ACACB: variants seen among roughly 807,000 people sequenced by gnomAD.
ACACB encodes the protein acetyl-CoA carboxylase 2.
In ACACB, 209 loss-of-function variants were observed where a neutral mutation model predicts 278.8. The ratio of observed to expected loss-of-function variants is 0.75; its 90% CI spans 0.67 to 0.84. ACACB has a LOEUF of 0.84. Among genes scored for constraint, ACACB ranks in the 40% least tolerant of loss-of-function variants. The pLI is 0.00. For missense variants in ACACB, 2,850 were observed against 3,269.0 expected, an observed-to-expected ratio of 0.87 and a Z score of 3.13; for synonymous variants, 1,174 against 1,285.6, an observed-to-expected ratio of 0.91 and a Z score of 1.86.
In ACACB at chr12:109,144,750, C is replaced by CTTTTTTT. The variant is rs770963307; in HGVS notation, c.653+4695_653+4696insTTTTTTT. Among the ~76,000 whole-genome samples, 386 of 86,760 alleles carry CTTTTTTT rather than the reference C, an allele frequency of 4.4e-3. 15 individuals carry two copies. The highest frequency in any genetic ancestry group is 0.012 in the East Asian group (35 of 2,810). 56.9% of individuals were successfully genotyped at this position (86,760 alleles called of 152,430 possible). ...TCTTTCTTTTTCTTTTTCTTTCTTT[C>CTTTTTTT]TTTCTTTTTTTTTTTTTTTTTTGAG... is the stretch of plus-strand genomic sequence containing the variant. On this transcript the variant is annotated intron_variant, in intron 2 of 52. Transcript: ENST00000338432.
At chr12:109,184,340 A>G (rs1160193417) in intron 11 of ACACB, among the ~76,000 whole-genome samples, 1 of 152,094 alleles carries the variant, frequency 6.6e-6, no homozygotes, top group African/African-American at 2.4e-5. Flanking sequence ...GGTATGCACC[A>G]CTGTGCCCGG....
chr12:109,256,002 G>A (rs1051064233), intron 44 of ACACB, 138 bp from the exon 45 acceptor site: 6 of 616,444 alleles, frequency 9.7e-6, no homozygotes, highest in African/African-American at 9.2e-5. Flanking sequence ...GGGCTGTGTG[G>A]TTTTAGGTAG....
At chr12:109,201,939 A>G (rs1245694161) in intron 19 of ACACB, among the ~76,000 whole-genome samples, 1 of 152,168 alleles carries the variant, frequency 6.6e-6, no homozygotes, top group Non-Finnish European at 1.5e-5. Flanking sequence ...AATTTCTGCC[A>G]GTGACCTGCA....
chr12:109,163,917 TG>T (rs2043817476), intron 2 of ACACB, among the ~76,000 whole-genome samples: 1 of 152,224 alleles, frequency 6.6e-6, no homozygotes, highest in Non-Finnish European at 1.5e-5. Flanking sequence ...CCAAAAGTGC[TG>T]GGATCACAGG....
In ACACB at chr12:109,172,859, C is replaced by T. The variant is rs549323550; in HGVS notation, c.1117+503C>T. 2.0e-5 allele frequency among the ~76,000 whole-genome samples: 3 copies of T among 152,292 alleles called. No individual in the cohort carries two copies. In the South Asian group the frequency reaches 6.2e-4, roughly 32 times the overall value. On this transcript the variant is annotated intron_variant, in intron 6 of 52. Coordinates refer to ENST00000338432, the MANE Select transcript of ACACB (RefSeq NM_001093.4). ...TTAAAATCATTCGACCATAAAGACGCATGAACACGAATGTTTATTGCAGCA... is the reference window on the plus strand; with the variant it reads ...TTAAAATCATTCGACCATAAAGACGTATGAACACGAATGTTTATTGCAGCA...
Position 109,179,949 on chromosome 12 carries a change from T to C in ACACB, c.1680T>C (p.Tyr560=), listed in dbSNP as rs1172465543. 6.2e-7 allele frequency: 1 copy of C among 1,613,082 alleles called. No homozygotes were observed. The change falls in exon 11 of 53, where the codon TAT becomes TAC. Residue 560 remains tyrosine (Y), a synonymous_variant. Transcript: ENST00000338432. ...CAIRLAKTVG[Y]VSAGTVEYLY... ...TCCGCCTGGCCAAGACCGTGGGCTATGTGAGTGCAGGGACAGTGGAATACC... is the reference window on the plus strand; with the variant it reads ...TCCGCCTGGCCAAGACCGTGGGCTACGTGAGTGCAGGGACAGTGGAATACC...
chr12:109,206,793 C>G lies in ACACB; in HGVS notation c.2997C>G (p.Val999=). ...GEKLHQVFHS[V]LENLTNVMSG... is the part of the protein sequence containing the mutation. ...AACTGCACCAGGTCTTCCACAGCGT[C>G]CTGGAAAACCTCACCAACGTCATGA... Residue 999 remains valine, a synonymous_variant, in exon 20 of 53, where the codon GTC becomes GTG. Coordinates refer to ENST00000338432, the MANE Select transcript of ACACB (RefSeq NM_001093.4). 1 of 1,614,158 alleles carries G rather than the reference C, an allele frequency of 6.2e-7. No individual in the cohort carries two copies. The highest frequency in any genetic ancestry group is 1.1e-5 in the South Asian group (1 of 91,082).
chr12:109,164,717 A>AAT (rs2043841382), intron 2 of ACACB, among the ~76,000 whole-genome samples: 1 of 134,106 alleles, frequency 7.5e-6, no homozygotes, highest in Non-Finnish European at 1.6e-5. Context: ...GCTAATTTAA[A>AAT]TTTTTTTTTT....
chr12:109,239,114 A>C (rs1043787433), intron 34 of ACACB, among the ~76,000 whole-genome samples: 2 of 151,084 alleles, frequency 1.3e-5, no homozygotes, highest in Admixed American at 1.3e-4. Context: ...ACGGAGTTTC[A>C]CCATGTTGGC....
At chr12:109,234,936 A>G (rs985077077) in intron 31 of ACACB, among the ~76,000 whole-genome samples, 5 of 96,056 alleles carry the variant, frequency 5.2e-5, no homozygotes, top group African/African-American at 1.6e-4. Context: ...AAGAAATAAG[A>G]AAAAAAGTGT....
chr12:109,112,291 ATATT>A (rs1213067749), upstream of ACACB, among the ~76,000 whole-genome samples: 2 of 147,768 alleles, frequency 1.4e-5, no homozygotes, highest in Non-Finnish European at 3.0e-5. Flanking sequence ...ATATGTATAT[ATATT>A]CAATATATAT....
At chr12:109,242,384 G>C in intron 36 of ACACB, 53 bp from the exon 37 acceptor site, 5 of 1,571,992 alleles carry the variant, frequency 3.2e-6, no homozygotes, top group Non-Finnish European at 3.5e-6. Flanking sequence ...AAATAAATTG[G>C]GGGAGATGTG....
At chr12:109,252,201 G>T (rs1406996087) in intron 42 of ACACB, 45 bp downstream of exon 42, 2 of 1,389,786 alleles carry the variant, frequency 1.4e-6, no homozygotes, top group South Asian at 1.4e-5. Context: ...TGGGGGCCAG[G>T]AGTCATTTTA....
At chr12:109,173,925 G>A (rs116875808) in intron 6 of ACACB, among the ~76,000 whole-genome samples, 76 of 152,340 alleles carry the variant, frequency 5.0e-4, no homozygotes, top group Non-Finnish European at 7.6e-4. Flanking sequence ...ATCCACATAC[G>A]TTGAAAGTTG....
At chr12:109,139,341 G>T in intron 1 of ACACB, 56 bp from the exon 2 acceptor site, 1 of 1,518,260 alleles carries the variant, frequency 6.6e-7, no homozygotes. Flanking sequence ...GCTTCTTTAG[G>T]AGAGAAATCA....
chr12:109,244,662 T>A (rs990263260), intron 37 of ACACB, among the ~76,000 whole-genome samples: 4 of 152,076 alleles, frequency 2.6e-5, no homozygotes, highest in African/African-American at 9.7e-5. Context: ...TTCACTATGT[T>A]GGCCAGGCTG....
intron 40 of ACACB, 134 bp from the exon 41 acceptor site, chr12:109,249,850 C>T (rs1312247959): frequency 2.5e-6 from 3 of 1,211,296 alleles, no homozygotes; most frequent in Non-Finnish European, 3.4e-6. Context: ...ATGCCAATTT[C>T]ATTTTGCCTC....
chr12:109,199,949 G>T (rs1193038356), intron 18 of ACACB, among the ~76,000 whole-genome samples: 1 of 151,002 alleles, frequency 6.6e-6, no homozygotes, highest in African/African-American at 2.4e-5. Flanking sequence ...GGAGGATGGC[G>T]TGAACCCAGG....
intron 18 of ACACB, among the ~76,000 whole-genome samples, chr12:109,201,084 G>A (rs532653208): frequency 2.0e-5 from 3 of 152,300 alleles, no homozygotes; most frequent in Admixed American, 1.3e-4. Flanking sequence ...CTCATGCCAC[G>A]CACGTATCCA....
Sources: gnomAD v4.1 joint callset for allele counts (sites outside exome capture counted in the v4.1 genomes callset) on GRCh38, gnomAD v4.1.1 for gene constraint, MANE v1.5 for transcripts, NCBI Gene and HGNC (gene_info 2026-07-23, HGNC 2026-07-21) for gene names.